HTR4: variants seen among roughly 807,000 people sequenced by gnomAD.
HTR4 encodes the protein 5-hydroxytryptamine (serotonin) receptor 4, G protein-coupled.
In HTR4, 16 loss-of-function variants were observed where a neutral mutation model predicts 36.8. The observed-to-expected ratio is 0.43, with a 90% CI of 0.29 to 0.66. The LOEUF (loss-of-function observed/expected upper bound fraction) is 0.66. Ranked by LOEUF, HTR4 falls within the 30% of genes least tolerant of loss-of-function variation. The pLI, the probability that HTR4 is intolerant of heterozygous loss-of-function variation, is 0.13. For missense variants in HTR4, 438 were observed against 490.9 expected (o/e 0.89, Z 1.02); for synonymous variants, 189 against 185.1 (o/e 1.02, Z -0.17).
intron 6 of HTR4, among the ~76,000 whole-genome samples, chr5:148,492,193 G>A (rs1215227124): frequency 6.6e-6 from 1 of 152,196 alleles, no homozygotes; most frequent in African/African-American, 2.4e-5. Context: ...CTGACAGTGG[G>A]TGCACCTACG....
At chr5:148,567,780 T>C (rs533285185) in intron 2 of HTR4, among the ~76,000 whole-genome samples, 1 of 152,308 alleles carries the variant, frequency 6.6e-6, no homozygotes, top group South Asian at 2.1e-4. Context: ...TTCCTGACTA[T>C]TCTAATGAAT....
downstream of HTR4, among the ~76,000 whole-genome samples, chr5:148,480,918 C>CA (rs1248700078): frequency 3.9e-5 from 6 of 152,202 alleles, no homozygotes; most frequent in Non-Finnish European, 8.8e-5. Flanking sequence ...AATGTTTTCA[C>CA]AAAAAAATTA....
At chr5:148,629,159 A>C (rs887785180) in intron 2 of HTR4, 2 of 152,166 alleles carry the variant, frequency 1.3e-5, no homozygotes, top group African/African-American at 4.8e-5. Flanking sequence ...AAGGTGTCAT[A>C]AGAAAAGAAG....
intron 6 of HTR4, among the ~76,000 whole-genome samples, chr5:148,499,502 C>T (rs959217789): frequency 6.6e-6 from 1 of 152,150 alleles, no homozygotes. Flanking sequence ...TTAGCTCCAT[C>T]TCTTCAATAC....
chr5:148,490,738 A>C, intron 6 of HTR4: 2 of 1,273,524 alleles, frequency 1.6e-6, no homozygotes, highest in Non-Finnish European at 2.0e-6. Flanking sequence ...AAGGCAATCC[A>C]TTCCATTTTG....
Position 148,593,393 on chromosome 5 carries a change from C to T in HTR4, c.27-43131G>A, listed in dbSNP as rs946090959. The stretch of plus-strand genomic sequence containing the variant: ...AAAATGGAACTTTTCATCATTTGTT[C>T]TCAAAGCTACTCTTTCTCTGATTTT... On this transcript the variant is annotated intron_variant, in intron 2 of 6. Coordinates refer to ENST00000377888, the MANE Select transcript of HTR4 (RefSeq NM_000870.7). 6.6e-5 allele frequency among the ~76,000 whole-genome samples: 10 copies of T among 152,132 alleles called. 1 individual carries two copies. The highest frequency in any genetic ancestry group is 4.6e-4 in the Admixed American group (7 of 15,264).
intron 1 of HTR4, chr5:148,644,661 C>T (rs1753828752): frequency 6.6e-6 from 1 of 152,050 alleles, no homozygotes; most frequent in Non-Finnish European, 1.5e-5. Flanking sequence ...TGGTGTAAAA[C>T]ATATGCCTCA....
chr5:148,645,885 A>G (rs1317473206), intron 1 of HTR4: 2 of 152,174 alleles, frequency 1.3e-5, no homozygotes, highest in South Asian at 2.1e-4. Context: ...CCTCTTCTCT[A>G]TAGGATAAGC....
At chr5:148,516,844 G>A (rs1403115667) in intron 5 of HTR4, among the ~76,000 whole-genome samples, 1 of 152,022 alleles carries the variant, frequency 6.6e-6, no homozygotes, top group Non-Finnish European at 1.5e-5. Context: ...ATTTTCTTCT[G>A]GCAAGCAGAT....
chr5:148,613,393 T>C (rs907369976), intron 2 of HTR4, among the ~76,000 whole-genome samples: 1 of 151,150 alleles, frequency 6.6e-6, no homozygotes, highest in Admixed American at 6.6e-5. Flanking sequence ...AATTAATAAA[T>C]GTAATCCAGC....
intron 2 of HTR4, among the ~76,000 whole-genome samples, chr5:148,603,597 A>T (rs892568064): frequency 6.6e-6 from 1 of 152,110 alleles, no homozygotes; most frequent in Non-Finnish European, 1.5e-5. Flanking sequence ...CATTATTTAC[A>T]AAACGCATGG....
intron 2 of HTR4, among the ~76,000 whole-genome samples, chr5:148,556,778 C>T (rs1324080866): frequency 6.6e-6 from 1 of 152,036 alleles, no homozygotes; most frequent in African/African-American, 2.4e-5. Flanking sequence ...GCTGCTGGTT[C>T]CTGAGTCACA....
At chr5:148,644,616 A>T (rs914707545) in intron 1 of HTR4, 11 of 152,044 alleles carry the variant, frequency 7.2e-5, no homozygotes, top group Admixed American at 3.9e-4. Flanking sequence ...TTATTAAGAC[A>T]CTGAAGCTTA....
At chr5:148,470,727 T>C (rs1581345726) in intron 5 of HTR4, among the ~76,000 whole-genome samples, 1 of 152,182 alleles carries the variant, frequency 6.6e-6, no homozygotes, top group African/African-American at 2.4e-5. Flanking sequence ...CTCGTTCTGC[T>C]GCCCAGGCTA....
intron 2 of HTR4, among the ~76,000 whole-genome samples, chr5:148,625,206 T>A (rs1348662554): frequency 6.6e-6 from 1 of 152,104 alleles, no homozygotes; most frequent in Non-Finnish European, 1.5e-5. Context: ...TGTTTGGAGA[T>A]GATGCCAATC....
At chr5:148,485,030 G>GA (rs1216971631) in intron 6 of HTR4, among the ~76,000 whole-genome samples, 1 of 152,166 alleles carries the variant, frequency 6.6e-6, no homozygotes, top group African/African-American at 2.4e-5. Context: ...AGGAAGGAAG[G>GA]AAGAAGGAAA....
At chr5:148,471,328 C>T (rs2113704170) in intron 5 of HTR4, among the ~76,000 whole-genome samples, 1 of 152,280 alleles carries the variant, frequency 6.6e-6, no homozygotes, top group South Asian at 2.1e-4. Context: ...TAATACATAA[C>T]TCCCTGTTGA....
chr5:148,554,720 G>T (rs1250093107), intron 2 of HTR4, among the ~76,000 whole-genome samples: 1 of 152,008 alleles, frequency 6.6e-6, no homozygotes, highest in Non-Finnish European at 1.5e-5. Flanking sequence ...TTATACAGGG[G>T]GTTTGGTGTA....
At chr5:148,464,128 A>G (rs992327773) in intron 5 of HTR4, among the ~76,000 whole-genome samples, 1 of 152,044 alleles carries the variant, frequency 6.6e-6, no homozygotes, top group African/African-American at 2.4e-5. Flanking sequence ...TAAAATAAAA[A>G]CCATGACAAT....
Sources: allele counts gnomAD v4.1 joint callset (sites outside exome capture counted in the v4.1 genomes callset), GRCh38; gene constraint gnomAD v4.1.1; transcripts MANE v1.5; gene names NCBI Gene and HGNC (gene_info 2026-07-23, HGNC 2026-07-21).